The following EARS2 variants were observed in gnomAD, a reference collection of about 807,000 sequenced individuals.
EARS2 encodes the protein nondiscriminating glutamyl-tRNA synthetase EARS2, mitochondrial.
In EARS2, 50 loss-of-function variants were observed where a neutral mutation model predicts 54.1. The observed-to-expected ratio is 0.92, with a 90% CI of 0.74 to 1.17. The LOEUF (loss-of-function observed/expected upper bound fraction) is 1.17, where lower values mean the gene tolerates loss of function less well. Among genes scored for constraint, EARS2 ranks in the 50% most tolerant of loss-of-function variants. The pLI is 0.00. For synonymous variants in EARS2, 298 were observed against 281.0 expected, an observed-to-expected ratio of 1.06 and a Z score of -0.61; for missense variants, 673 against 675.0, an observed-to-expected ratio of 1.00 and a Z score of 0.03.
chr16:23,529,756 G>T lies in EARS2; in HGVS notation c.1209C>A (p.Leu403=). ...VLNPVYVERI[L]LLRQGHICRL... is the part of the protein sequence containing the mutation. ...CCTGACACCACACCTGTCTCAGCAG[G>T]AGGATCCTCTCCACGTAGACTGGGT... The change falls in exon 6 of 9, where the codon CTC becomes CTA. Residue 403 remains leucine (L), a synonymous_variant. Transcript: ENST00000449606. The T allele has an allele frequency of 6.2e-7, 1 of 1,614,174 alleles. No homozygotes were observed. Among genetic ancestry groups the T allele is most frequent in the Non-Finnish European group, 8.5e-7 (1 of 1,180,026 alleles).
chr16:23,553,413 G>T (rs535591279), intron 1 of EARS2, among the ~76,000 whole-genome samples: 3 of 152,052 alleles, frequency 2.0e-5, no homozygotes. Flanking sequence ...AATGATGTGC[G>T]CTGGGAAAAA....
At chr16:23,531,718 G>A (rs1369744222) in intron 5 of EARS2, among the ~76,000 whole-genome samples, 1 of 152,240 alleles carries the variant, frequency 6.6e-6, no homozygotes, top group Non-Finnish European at 1.5e-5. Flanking sequence ...GCTCATGCAA[G>A]TAAATGCACT....
At chr16:23,546,271 T>C (rs1253196233) in intron 2 of EARS2, 3 of 403,184 alleles carry the variant, frequency 7.4e-6, no homozygotes, top group Admixed American at 2.9e-5. Flanking sequence ...GAAGATGGTG[T>C]TTCTGCCCTC....
At chr16:23,556,325 G>A (rs1205690524) in intron 1 of EARS2, among the ~76,000 whole-genome samples, 1 of 152,198 alleles carries the variant, frequency 6.6e-6, no homozygotes, top group Non-Finnish European at 1.5e-5. Flanking sequence ...CAGTGCCTTG[G>A]TACCTGCGAT....
chr16:23,539,580 C>T (rs1965479868), intron 3 of EARS2, among the ~76,000 whole-genome samples: 1 of 152,068 alleles, frequency 6.6e-6, no homozygotes, highest in South Asian at 2.1e-4. Context: ...AACACGTTCA[C>T]CATGAGATGA....
In EARS2 at chr16:23,551,952, A is replaced by C. The variant is rs1222545947; in HGVS notation, c.295+197T>G. 3.3e-5 allele frequency among the ~76,000 whole-genome samples: 5 copies of C among 152,200 alleles called. No individual in the cohort carries two copies. In the East Asian group the frequency reaches 9.7e-4, roughly 29 times the overall value. On this transcript the variant is annotated intron_variant, in intron 2 of 8. Coordinates refer to ENST00000449606, the MANE Select transcript of EARS2 (RefSeq NM_001083614.2). ...ATAAATAAATAAAAATAAAGAAACC[A>C]GTCTTGGAGCTGTGTTTCAGAGAGC... is the stretch of plus-strand genomic sequence containing the variant.
intron 7 of EARS2, among the ~76,000 whole-genome samples, chr16:23,528,679 T>C (rs562517822): frequency 9.2e-5 from 14 of 152,274 alleles, no homozygotes; most frequent in Non-Finnish European, 8.8e-5. Flanking sequence ...GGTGTGAAGA[T>C]TGCTTGAGCC....
chr16:23,554,999 T>C (rs1039801006), intron 1 of EARS2, among the ~76,000 whole-genome samples: 9 of 152,232 alleles, frequency 5.9e-5, no homozygotes, highest in African/African-American at 2.2e-4. Flanking sequence ...CTTTCCCACA[T>C]GGGCTTTCCC....
At chr16:23,533,412 G>A (rs1383128597) in intron 4 of EARS2, among the ~76,000 whole-genome samples, 2 of 152,118 alleles carry the variant, frequency 1.3e-5, no homozygotes, top group African/African-American at 4.8e-5. Context: ...AAAGTGCTGG[G>A]ATTACAGACA....
At chr16:23,537,123 G>T (rs1965434062) in intron 3 of EARS2, 3 of 243,978 alleles carry the variant, frequency 1.2e-5, no homozygotes, top group South Asian at 4.7e-5. Flanking sequence ...CAGTGAGTTT[G>T]ACAAAAAGTT....
chr16:23,555,206 C>A (rs180988460), intron 1 of EARS2, among the ~76,000 whole-genome samples: 168 of 152,244 alleles, frequency 1.1e-3, no homozygotes, highest in Non-Finnish European at 1.6e-3. Context: ...CACATCTAGG[C>A]CAGGTGTGAT....
intron 7 of EARS2, among the ~76,000 whole-genome samples, chr16:23,526,746 C>G (rs1446321927): frequency 6.6e-6 from 1 of 152,144 alleles, no homozygotes; most frequent in East Asian, 1.9e-4. Flanking sequence ...CTCTAGGATT[C>G]CAGCGGGCCA....
intron 8 of EARS2, 140 bp downstream of exon 8, chr16:23,525,104 G>T: frequency 8.8e-7 from 1 of 1,132,940 alleles, no homozygotes; most frequent in Non-Finnish European, 1.3e-6. Context: ...AGTGTCTGTT[G>T]ATTGACTAAA....
At position 23,554,945 on chromosome 16, in the gene EARS2, T is replaced by C. The variant is rs184883087; in HGVS notation, c.139+2260A>G. On this transcript the variant is annotated intron_variant, in intron 1 of 8. Transcript: ENST00000449606. ...CCTCAATTAATTTCAGCTACTGTAA[T>C]GATCTGTGCCTGATAATTCTTTTAT... 1.5e-3 allele frequency among the ~76,000 whole-genome samples: 228 copies of C among 152,372 alleles called. 1 individual carries two copies. Among genetic ancestry groups the C allele is most frequent in the Non-Finnish European group, 2.4e-3 (162 of 68,036 alleles).
chr16:23,527,439 A>C (rs909985961), intron 7 of EARS2, among the ~76,000 whole-genome samples: 1 of 152,118 alleles, frequency 6.6e-6, no homozygotes, highest in Admixed American at 6.6e-5. Context: ...TGTCTCAGGG[A>C]ACTGGGTTCA....
intron 2 of EARS2, among the ~76,000 whole-genome samples, chr16:23,545,472 A>G (rs1965588341): frequency 6.6e-6 from 1 of 152,042 alleles, no homozygotes; most frequent in East Asian, 1.9e-4. Flanking sequence ...GCCATAAAAG[A>G]CACTTTTCCC....
At chr16:23,550,752 T>G (rs1287046155) in intron 2 of EARS2, 1 of 152,190 alleles carries the variant, frequency 6.6e-6, no homozygotes, top group Non-Finnish European at 1.5e-5. Flanking sequence ...TTTTATACTC[T>G]TTAGGAATCC....
intron 3 of EARS2, among the ~76,000 whole-genome samples, chr16:23,538,620 G>A (rs1016201065): frequency 6.6e-6 from 1 of 152,182 alleles, no homozygotes; most frequent in Non-Finnish European, 1.5e-5. Context: ...ATTTCGGGAG[G>A]ACAAGGCAGG....
intron 7 of EARS2, among the ~76,000 whole-genome samples, chr16:23,528,078 T>G (rs867301901): frequency 1.3e-5 from 2 of 152,090 alleles, no homozygotes; most frequent in African/African-American, 4.8e-5. Context: ...AGCGAAGGGC[T>G]GGAAAAGGGA....
Sources: allele counts gnomAD v4.1 joint callset (sites outside exome capture counted in the v4.1 genomes callset), GRCh38; gene constraint gnomAD v4.1.1; transcripts MANE v1.5; gene names NCBI Gene and HGNC (gene_info 2026-07-23, HGNC 2026-07-21).